HLCS: variants seen among roughly 807,000 people sequenced by gnomAD.
HLCS encodes the protein biotin--protein ligase.
HLCS carries 53 observed loss-of-function variants against 75.0 expected under a neutral mutation model. The observed-to-expected ratio is 0.71, with a 90% CI of 0.57 to 0.89. The LOEUF (loss-of-function observed/expected upper bound fraction) is 0.89, where lower values mean the gene tolerates loss of function less well. HLCS is among the 40% of genes least tolerant of loss of function. HLCS has a pLI of 0.00. For synonymous variants in HLCS, 431 were observed against 428.6 expected, an observed-to-expected ratio of 1.01 and a Z score of -0.07; for missense variants, 966 against 1,074.0, an observed-to-expected ratio of 0.90 and a Z score of 1.41.
chr21:36,805,074 G>A (rs773184373), intron 6 of HLCS, among the ~76,000 whole-genome samples: 10 of 152,132 alleles, frequency 6.6e-5, no homozygotes, highest in South Asian at 2.1e-4. Context: ...GAAGGATTCC[G>A]ACTTTCCACT....
chr21:36,966,838 C>T (rs2068627116), upstream of HLCS, among the ~76,000 whole-genome samples: 1 of 143,546 alleles, frequency 7.0e-6, no homozygotes, highest in African/African-American at 2.6e-5. Context: ...GGTGAGGCCG[C>T]GCCCGGCTGT....
chr21:36,869,160 T>C (rs962050300), intron 6 of HLCS, among the ~76,000 whole-genome samples: 5 of 152,020 alleles, frequency 3.3e-5, no homozygotes, highest in African/African-American at 1.2e-4. Flanking sequence ...AGTCTCGCTC[T>C]GTCACCCAGG....
Position 36,753,457 on chromosome 21 carries a change from T to G in HLCS, c.*789A>C, listed in dbSNP as rs2089441289. The stretch of plus-strand genomic sequence containing the variant: ...CAAATCGCCCACCTCCTCATCCAAG[T>G]GATGCCTAATCAGACATTTAAGGAT... On this transcript the variant is annotated 3_prime_UTR_variant, in exon 11 of 11. Transcript: ENST00000674895. This position sits in a 1 kb window ranked among gnomAD's most constrained non-coding sequence, Gnocchi z 4.3. 2 of 152,260 alleles carry G rather than the reference T, an allele frequency of 1.3e-5. No homozygotes were observed. The allele number at this position is 152,260 out of a possible 1,614,324, so 9.4% of individuals were successfully genotyped here.
At chr21:36,838,493 C>T (rs2062498469) in intron 6 of HLCS, among the ~76,000 whole-genome samples, 1 of 152,122 alleles carries the variant, frequency 6.6e-6, no homozygotes, top group South Asian at 2.1e-4. Flanking sequence ...ATCACAAGGT[C>T]AGGAGATCGA....
chr21:36,915,757 G>C (rs546061650), intron 5 of HLCS, among the ~76,000 whole-genome samples: 20 of 150,642 alleles, frequency 1.3e-4, no homozygotes, highest in Non-Finnish European at 2.9e-4. Flanking sequence ...TCTAGAAACT[G>C]TTTAACATGA....
At chr21:36,815,377 C>T (rs1445904380) in intron 6 of HLCS, among the ~76,000 whole-genome samples, 1 of 152,188 alleles carries the variant, frequency 6.6e-6, no homozygotes, top group African/African-American at 2.4e-5. Flanking sequence ...GATTTGGTCT[C>T]TTCTGAGGTT....
chr21:36,798,900 A>T (rs909432230), intron 6 of HLCS, among the ~76,000 whole-genome samples: 2 of 152,154 alleles, frequency 1.3e-5, no homozygotes, highest in Non-Finnish European at 2.9e-5. Context: ...ATTGAGTCGT[A>T]AGGTTCTTTA....
At chr21:36,947,701 C>A in intron 2 of HLCS, 4 of 985,444 alleles carry the variant, frequency 4.1e-6, no homozygotes, top group Non-Finnish European at 2.4e-6. Flanking sequence ...CAAGGCATAT[C>A]TTCTCTGCTC....
intron 6 of HLCS, among the ~76,000 whole-genome samples, chr21:36,789,090 T>C (rs904896723): frequency 1.3e-5 from 2 of 152,242 alleles, no homozygotes; most frequent in African/African-American, 4.8e-5. Flanking sequence ...ACTCTCATTC[T>C]GTTGCCCAGG....
At chr21:36,927,844 T>C (rs774257400) in intron 5 of HLCS, among the ~76,000 whole-genome samples, 1 of 151,890 alleles carries the variant, frequency 6.6e-6, no homozygotes, top group Non-Finnish European at 1.5e-5. Context: ...AGCAACAGAG[T>C]GTCTTGCAGG....
intron 6 of HLCS, among the ~76,000 whole-genome samples, chr21:36,772,275 A>T (rs567803205): frequency 6.6e-6 from 1 of 152,232 alleles, no homozygotes; most frequent in South Asian, 2.1e-4. Context: ...TATATTGTTA[A>T]AAAGTGAAAA....
intron 6 of HLCS, among the ~76,000 whole-genome samples, chr21:36,815,921 A>G (rs1353381575): frequency 6.6e-6 from 1 of 152,184 alleles, no homozygotes; most frequent in Non-Finnish European, 1.5e-5. Context: ...GAAGCCTACA[A>G]TTCTCCCACC....
At chr21:36,789,428 T>C (rs974600532) in intron 6 of HLCS, among the ~76,000 whole-genome samples, 1 of 152,246 alleles carries the variant, frequency 6.6e-6, no homozygotes, top group Admixed American at 6.5e-5. Context: ...ACTAAAATTA[T>C]ACCAGAATAT....
intron 6 of HLCS, among the ~76,000 whole-genome samples, chr21:36,789,013 A>G (rs1039955469): frequency 6.6e-6 from 1 of 152,208 alleles, no homozygotes; most frequent in Non-Finnish European, 1.5e-5. Flanking sequence ...TCCTATGGCC[A>G]TAACAGCCAC....
At chr21:36,760,203 G>A (rs1224879842) in intron 8 of HLCS, among the ~76,000 whole-genome samples, 1 of 152,140 alleles carries the variant, frequency 6.6e-6, no homozygotes, top group African/African-American at 2.4e-5. Flanking sequence ...AGGGCCAGAG[G>A]GTGGGGAGAG....
At chr21:36,809,368 T>C (rs1006082543) in intron 6 of HLCS, among the ~76,000 whole-genome samples, 3 of 152,242 alleles carry the variant, frequency 2.0e-5, no homozygotes, top group Non-Finnish European at 4.4e-5. Flanking sequence ...CTTTCAAGAT[T>C]TGCTCTTCAA....
At chr21:36,808,190 C>T (rs1314328363) in intron 6 of HLCS, among the ~76,000 whole-genome samples, 2 of 152,136 alleles carry the variant, frequency 1.3e-5, no homozygotes, top group African/African-American at 2.4e-5. Flanking sequence ...TGTTGTCATA[C>T]TACACTAGCT....
At chr21:36,934,924 G>A (rs982165208) in intron 4 of HLCS, among the ~76,000 whole-genome samples, 1 of 152,202 alleles carries the variant, frequency 6.6e-6, no homozygotes, top group African/African-American at 2.4e-5. Flanking sequence ...CTAATCCTCT[G>A]AATCTGATTT....
intron 2 of HLCS, among the ~76,000 whole-genome samples, chr21:36,959,714 T>C (rs752917269): frequency 6.6e-6 from 1 of 152,214 alleles, no homozygotes; most frequent in Non-Finnish European, 1.5e-5. Flanking sequence ...GACTACCAGC[T>C]GCAGAAAGGA....
Sources: allele counts gnomAD v4.1 joint callset (sites outside exome capture counted in the v4.1 genomes callset), GRCh38; gene constraint gnomAD v4.1.1; non-coding constraint Gnocchi (gnomAD v3.1); transcripts MANE v1.5; gene names NCBI Gene and HGNC (gene_info 2026-07-23, HGNC 2026-07-21).